CTNNA1: variants seen among roughly 807,000 people sequenced by gnomAD.
CTNNA1 encodes the protein catenin alpha-1.
In CTNNA1, 37 loss-of-function variants were observed where a neutral mutation model predicts 98.4. The observed-to-expected ratio is 0.38, with a 90% confidence interval of 0.29 to 0.49. The LOEUF is 0.49. Among genes scored for constraint, CTNNA1 ranks in the 20% least tolerant of loss-of-function variants. The pLI, the probability that CTNNA1 is intolerant of heterozygous loss-of-function variation, is 0.95. For missense variants in CTNNA1, 761 were observed against 1,147.2 expected (o/e 0.66, Z 4.86); for synonymous variants, 404 against 413.2 (o/e 0.98, Z 0.27).
intron 7 of CTNNA1, chr5:138,881,147 TC>T (rs1752819440): frequency 2.2e-6 from 1 of 455,670 alleles, no homozygotes. Context: ...GGTAAGACTG[TC>T]CTCCTTGAGA....
chr5:138,883,187 CA>C (rs1753316111), intron 7 of CTNNA1, among the ~76,000 whole-genome samples: 1 of 152,130 alleles, frequency 6.6e-6, no homozygotes, highest in African/African-American at 2.4e-5. Flanking sequence ...TTAAAATGAG[CA>C]AGCTTTATAC....
At chr5:138,861,692 G>A (rs989020976) in intron 7 of CTNNA1, among the ~76,000 whole-genome samples, 1 of 152,114 alleles carries the variant, frequency 6.6e-6, no homozygotes, top group Non-Finnish European at 1.5e-5. Context: ...AGTAAAAAGG[G>A]TACGTCTTAA....
intron 5 of CTNNA1, among the ~76,000 whole-genome samples, chr5:138,823,684 G>C (rs373451759): frequency 6.6e-6 from 1 of 152,178 alleles, no homozygotes; most frequent in South Asian, 2.1e-4. Flanking sequence ...TTGGCTGGGC[G>C]CGGTGGCTCA....
At chr5:138,853,001 TA>T (rs1763382668) in intron 7 of CTNNA1, among the ~76,000 whole-genome samples, 3 of 152,324 alleles carry the variant, frequency 2.0e-5, no homozygotes, top group Admixed American at 6.5e-5. Context: ...GGTTTACCTC[TA>T]ATTTGTTCAT....
At chr5:138,908,414 T>TC (rs1178287629) in intron 10 of CTNNA1, among the ~76,000 whole-genome samples, 3 of 152,180 alleles carry the variant, frequency 2.0e-5, no homozygotes, top group African/African-American at 7.2e-5. Flanking sequence ...ACATCTGTAA[T>TC]CCCAGCATTT....
rs907294265 is a variant in CTNNA1 at position 138,934,569 on chromosome 5, T to C, written c.*480T>C. On this transcript the variant is annotated 3_prime_UTR_variant, in exon 18 of 18. Coordinates refer to ENST00000302763, the MANE Select transcript of CTNNA1 (RefSeq NM_001903.5). ...GAAGGCATGTTCCCAGAAAGGTCTC[T>C]GGAGGGACAAACTCACTCAGTAAAA... The C allele has an allele frequency of 6.4e-6, 1 of 156,850 alleles. No homozygotes were observed. The highest frequency in any genetic ancestry group is 2.4e-5 in the African/African-American group (1 of 41,380). 9.7% of individuals were successfully genotyped at this position (156,850 alleles called of 1,614,324 possible).
rs565294590 is a variant in CTNNA1, at chr5:138,760,290, A to T, written c.-3+6780A>T. Among the ~76,000 whole-genome samples, 43 of 151,572 alleles carry T rather than the reference A, an allele frequency of 2.8e-4. 1 individual carries two copies. In the South Asian group the frequency reaches 8.8e-3, roughly 31 times the overall value. On this transcript the variant is annotated intron_variant, in intron 1 of 17. Coordinates refer to ENST00000302763, the MANE Select transcript of CTNNA1 (RefSeq NM_001903.5). ...ATTGCAGGAGTGAGCCACCGTGCTC[A>T]GCCGGATTTCTTTCCTTTTAAAGGC...
chr5:138,874,067 C>T lies in CTNNA1; in HGVS notation c.1063-12145C>T, dbSNP rs373564281. On this transcript the variant is annotated intron_variant, in intron 7 of 17. Coordinates refer to ENST00000302763, the MANE Select transcript of CTNNA1 (RefSeq NM_001903.5). This position sits in a 1 kb window ranked among gnomAD's most constrained non-coding sequence, Gnocchi z 4.1. The stretch of plus-strand genomic sequence containing the variant: ...TGGGATAGTCCGCAGGGAGTTGGAA[C>T]GTAAATGCAAGGTCTGCAGCTTCCG... 1.1e-5 allele frequency: 17 copies of T among 1,613,772 alleles called. No individual in the cohort carries two copies. The highest frequency in any genetic ancestry group is 8.0e-5 in the African/African-American group (6 of 74,888).
intron 16 of CTNNA1, 167 bp downstream of exon 16, chr5:138,931,102 G>T (rs1765204152): frequency 1.6e-6 from 1 of 607,558 alleles, no homozygotes; most frequent in Non-Finnish European, 3.0e-6. Context: ...CTCTAGAGCG[G>T]ATGTGTATGT....
At position 138,776,765 on chromosome 5, in the gene CTNNA1, T is replaced by A. The variant is rs1036001410; in HGVS notation, c.-2-5158T>A. On this transcript the variant is annotated intron_variant, in intron 1 of 17. Transcript: ENST00000302763. ...AGGGGCGGCCGGGCAGAAGCGCCCC[T>A]CACCTCCCGGACGGGGCGGCTGGCC... Among the ~76,000 whole-genome samples, 7 of 143,004 alleles carry A rather than the reference T, an allele frequency of 4.9e-5. No individual in the cohort carries two copies. The East Asian group carries it at 1.5e-3, about 31-fold the overall frequency. 93.8% of individuals were successfully genotyped at this position (143,004 alleles called of 152,430 possible). A position where few individuals can be genotyped will look rare whatever the true frequency, so the allele number is the denominator to read the frequency against.
At chr5:138,872,480 A>C (rs1440784842) in intron 7 of CTNNA1, 1 of 152,488 alleles carries the variant, frequency 6.6e-6, no homozygotes, top group African/African-American at 2.4e-5. Flanking sequence ...TTTAATATTT[A>C]CCAGTCTTCA....
chr5:138,825,482 G>GTTTTTTTTTTTTGTTTTT (rs1760589683), intron 6 of CTNNA1, among the ~76,000 whole-genome samples: 1 of 74,114 alleles, frequency 1.3e-5, no homozygotes, highest in Non-Finnish European at 2.4e-5. Flanking sequence ...AGCAGTATAA[G>GTTTTTTTTTTTTGTTTTT]TTTTTTTTTT....
chr5:138,825,419 G>GT (rs919033250), intron 6 of CTNNA1, among the ~76,000 whole-genome samples: 1 of 144,086 alleles, frequency 6.9e-6, no homozygotes, highest in Admixed American at 7.2e-5. Context: ...TTTTTGGTGG[G>GT]TTATGTGTTC....
intron 3 of CTNNA1, among the ~76,000 whole-genome samples, chr5:138,801,163 G>A (rs1220602532): frequency 2.0e-5 from 3 of 152,202 alleles, no homozygotes; most frequent in Non-Finnish European, 2.9e-5. Flanking sequence ...TACTGCAATA[G>A]CAATAGGAGA....
intron 8 of CTNNA1, 67 bp downstream of exon 8, chr5:138,886,359 A>G: frequency 6.8e-7 from 1 of 1,475,712 alleles, no homozygotes; most frequent in Non-Finnish European, 9.2e-7. Flanking sequence ...TTAAAATCCT[A>G]ATAAGCACTG....
chr5:138,827,944 C>T (rs1340014497), intron 7 of CTNNA1: 2 of 541,504 alleles, frequency 3.7e-6, no homozygotes, highest in East Asian at 6.6e-5. Flanking sequence ...ACAGTGAATA[C>T]CTAGGAAATT....
At chr5:138,760,182 C>G (rs1189252019) in intron 1 of CTNNA1, among the ~76,000 whole-genome samples, 1 of 150,078 alleles carries the variant, frequency 6.7e-6, no homozygotes, top group African/African-American at 2.5e-5. Flanking sequence ...TTAGTAGAGA[C>G]GGGGTTTCTC....
At chr5:138,832,170 G>A (rs1011239463) in intron 7 of CTNNA1, among the ~76,000 whole-genome samples, 11 of 152,190 alleles carry the variant, frequency 7.2e-5, no homozygotes, top group African/African-American at 2.4e-4. Flanking sequence ...GGGTCAGGAG[G>A]CTAGCAGCCT....
intron 1 of CTNNA1, among the ~76,000 whole-genome samples, chr5:138,766,014 TTTC>T (rs1245147980): frequency 4.6e-5 from 7 of 151,448 alleles, no homozygotes; most frequent in African/African-American, 1.7e-4. Context: ...ATGAGAGATG[TTTC>T]TTATTTCTTT....
Sources: gnomAD v4.1 joint callset for allele counts (sites outside exome capture counted in the v4.1 genomes callset) on GRCh38, gnomAD v4.1.1 for gene constraint, Gnocchi (gnomAD v3.1) non-coding constraint, MANE v1.5 for transcripts, NCBI Gene and HGNC (gene_info 2026-07-23, HGNC 2026-07-21) for gene names.